FAT4: variants seen among roughly 807,000 people sequenced by gnomAD.
The protein encoded by FAT4 is protocadherin Fat 4.
A neutral mutation model predicts 303.9 loss-of-function variants in FAT4; 84 were observed. The ratio of observed to expected loss-of-function variants is 0.28; its 90% CI spans 0.23 to 0.33. The LOEUF is 0.33. Ranked by LOEUF, FAT4 falls within the 10% of genes least tolerant of loss-of-function variation. The pLI is 1.00. For synonymous variants in FAT4, 2,307 were observed against 2,298.8 expected (o/e 1.00, Z -0.10); for missense variants, 6,005 against 6,146.8 (o/e 0.98, Z 0.77).
chr4:125,468,976 C>T (rs1726769072), intron 12 of FAT4, among the ~76,000 whole-genome samples, 157 bp downstream of exon 12: 2 of 152,160 alleles, frequency 1.3e-5, no homozygotes, highest in Non-Finnish European at 2.9e-5. Flanking sequence ...CTCATGACAA[C>T]TCTGTTCAAA....
Position 125,452,586 on chromosome 4 carries a change from G to A in FAT4, c.11576G>A (p.Ser3859Asn). The A allele has an allele frequency of 1.9e-6, 3 of 1,614,180 alleles. No homozygotes were observed. Among genetic ancestry groups the A allele is most frequent in the Non-Finnish European group, 2.5e-6 (3 of 1,180,042 alleles). ...AAGTGTCTGCCAGGATATGCGGGTA[G>A]CTGGTGTGAAATAGATATAGATGAA... ...LCKCLPGYAG[S>N]WCEIDIDECL... The change falls in exon 10 of 18, where the codon AGC becomes AAC. Residue 3859 changes from serine (S) to asparagine (N), a missense_variant. By Grantham distance (46) the Ser-to-Asn change is conservative. Transcript: ENST00000394329.
chr4:125,447,515 A>G (rs974678554), intron 9 of FAT4, among the ~76,000 whole-genome samples: 1 of 152,150 alleles, frequency 6.6e-6, no homozygotes, highest in Non-Finnish European at 1.5e-5. Flanking sequence ...GCATGGTTCT[A>G]ATTACATCCA....
At chr4:125,446,615 A>G (rs1560612573) in intron 9 of FAT4, 72 bp downstream of exon 9, 1 of 1,363,210 alleles carries the variant, frequency 7.3e-7, no homozygotes, top group East Asian at 2.4e-5. Flanking sequence ...AAAAATATTT[A>G]TGATATTTTA....
intron 14 of FAT4, among the ~76,000 whole-genome samples, chr4:125,477,970 T>C (rs2126084445): frequency 6.6e-6 from 1 of 152,272 alleles, no homozygotes; most frequent in South Asian, 2.1e-4. Context: ...CAGAGACAAC[T>C]ACTCTTAGGT....
intron 12 of FAT4, among the ~76,000 whole-genome samples, chr4:125,469,247 G>A (rs1273066941): frequency 6.6e-6 from 1 of 152,158 alleles, no homozygotes; most frequent in African/African-American, 2.4e-5. Flanking sequence ...AATAGTCTTA[G>A]CTAGTCATAG....
rs372756130 is a variant in FAT4, at chr4:125,440,610, T to TGTGTGTGTGAGA, written c.7200-5682_7200-5681insTGTGTGTGAGAG. Among the ~76,000 whole-genome samples, 104 of 75,746 alleles carry TGTGTGTGTGAGA rather than the reference T, an allele frequency of 1.4e-3. 1 individual carries two copies. Among genetic ancestry groups the TGTGTGTGTGAGA allele is most frequent in the African/African-American group, 5.6e-3 (96 of 17,262 alleles). 49.7% of individuals were successfully genotyped at this position (75,746 alleles called of 152,430 possible). On this transcript the variant is annotated intron_variant, in intron 8 of 17. Transcript: ENST00000394329. ...GTGTGTGTGTGTGTGTGTGTGTGTG[T>TGTGTGTGTGAGA]GAGAGAGAGAGAGAGAGAGAGAGAG...
chr4:125,470,450 G>GT (rs1726817658), intron 12 of FAT4, among the ~76,000 whole-genome samples: 1 of 152,120 alleles, frequency 6.6e-6, no homozygotes, highest in South Asian at 2.1e-4. Context: ...ATAAAAGGCT[G>GT]TTTTTTTACA....
At chr4:125,422,301 C>A (rs928798395) in intron 7 of FAT4, among the ~76,000 whole-genome samples, 11 of 152,180 alleles carry the variant, frequency 7.2e-5, no homozygotes, top group Non-Finnish European at 1.5e-4. Context: ...ATTTAATGCA[C>A]TTTATAAATA....
chr4:125,402,081 A>G (rs1734409362), intron 3 of FAT4, among the ~76,000 whole-genome samples: 1 of 151,938 alleles, frequency 6.6e-6, no homozygotes, highest in African/African-American at 2.4e-5. Context: ...AATATTATGA[A>G]TTCACCACAT....
intron 16 of FAT4, among the ~76,000 whole-genome samples, chr4:125,485,822 G>A (rs547128722): frequency 1.9e-4 from 29 of 152,164 alleles, no homozygotes; most frequent in South Asian, 8.3e-4. Flanking sequence ...TGAGTAATTC[G>A]TTGTGCTATG....
intron 2 of FAT4, among the ~76,000 whole-genome samples, chr4:125,340,389 T>G (rs1578538435): frequency 1.9e-4 from 2 of 10,748 alleles, no homozygotes; most frequent in Admixed American, 1.9e-3. Context: ...GAAACAACTC[T>G]TTTTTTTTTT....
chr4:125,367,996 T>G (rs1165173022), intron 2 of FAT4, among the ~76,000 whole-genome samples: 2 of 152,104 alleles, frequency 1.3e-5, no homozygotes, highest in Non-Finnish European at 2.9e-5. Context: ...GCCAGTCCAG[T>G]TTTTTTCCCC....
chr4:125,489,282 T>G (rs1177011402), intron 17 of FAT4, among the ~76,000 whole-genome samples: 1 of 152,186 alleles, frequency 6.6e-6, no homozygotes, highest in African/African-American at 2.4e-5. Context: ...TCTTTATCAT[T>G]CCCCTAAGGA....
rs184628491 is a variant in FAT4, at chr4:125,463,749, A to G, written c.11905+82A>G. On this transcript the variant is annotated intron_variant, in intron 11 of 17. Transcript: ENST00000394329. ...GCAATTTTGTTTTATTATGAGTATGAAAGACCAAAAAATTATTGTTTTACA... is the reference window on the plus strand; with the variant it reads ...GCAATTTTGTTTTATTATGAGTATGGAAGACCAAAAAATTATTGTTTTACA... The G allele has an allele frequency of 6.1e-4, 461 of 752,030 alleles. 3 individuals are homozygous for G. The African/African-American group carries it at 7.4e-3, about 12-fold the overall frequency. 46.6% of individuals were successfully genotyped at this position (752,030 alleles called of 1,614,324 possible).
At chr4:125,383,690 G>A (rs112668538) in intron 2 of FAT4, among the ~76,000 whole-genome samples, 45 of 152,200 alleles carry the variant, frequency 3.0e-4, no homozygotes, top group African/African-American at 9.9e-4. Context: ...GCATGATAAA[G>A]GCAAGTGCAA....
chr4:125,390,544 C>T (rs576792969), intron 2 of FAT4, among the ~76,000 whole-genome samples: 1 of 152,294 alleles, frequency 6.6e-6, no homozygotes, highest in African/African-American at 2.4e-5. Context: ...TTGTTTCACT[C>T]TGGTGAATAA....
intron 7 of FAT4, among the ~76,000 whole-genome samples, chr4:125,422,387 C>T (rs1038461954): frequency 1.3e-5 from 2 of 152,150 alleles, no homozygotes; most frequent in Admixed American, 1.3e-4. Flanking sequence ...TTCCCATAAT[C>T]CCCATGTGTC....
intron 2 of FAT4, among the ~76,000 whole-genome samples, chr4:125,350,918 C>G (rs1347317682): frequency 6.6e-6 from 1 of 151,610 alleles, no homozygotes; most frequent in East Asian, 1.9e-4. Flanking sequence ...GGAGGTTCAT[C>G]ATATTTCCCA....
intron 7 of FAT4, among the ~76,000 whole-genome samples, chr4:125,416,836 C>G (rs947149722): frequency 6.6e-6 from 1 of 152,018 alleles, no homozygotes; most frequent in Non-Finnish European, 1.5e-5. Context: ...ATCCCAGCTA[C>G]TCAGAAGGCT....
Sources: gnomAD v4.1 joint callset for allele counts (sites outside exome capture counted in the v4.1 genomes callset) on GRCh38, gnomAD v4.1.1 for gene constraint, MANE v1.5 for transcripts, NCBI Gene and HGNC (gene_info 2026-07-23, HGNC 2026-07-21) for gene names.